Variants in ZMAT4 observed in about 807,000 individuals in gnomAD.
ZMAT4 encodes zinc finger matrin-type protein 4.
In ZMAT4, 17 loss-of-function variants were observed where a neutral mutation model predicts 28.7. The ratio of observed to expected loss-of-function variants is 0.59; its 90% confidence interval spans 0.41 to 0.89. The LOEUF (loss-of-function observed/expected upper bound fraction) is 0.89. ZMAT4 is among the 40% of genes least tolerant of loss of function. The probability of loss-of-function intolerance (pLI) is 0.00; values close to 1 mark genes in which losing one functional copy is unlikely to be tolerated. For missense variants in ZMAT4, 240 were observed against 283.8 expected (o/e 0.85, Z 1.11); for synonymous variants, 117 against 109.2 (o/e 1.07, Z -0.44).
intron 6 of ZMAT4, among the ~76,000 whole-genome samples, chr8:40,580,280 G>A (rs553007738): frequency 1.3e-5 from 2 of 152,120 alleles, no homozygotes; most frequent in South Asian, 2.1e-4. Context: ...CCAAAATGCT[G>A]GGACTACAGG....
At chr8:40,676,416 C>G (rs1410963206) in intron 4 of ZMAT4, among the ~76,000 whole-genome samples, 1 of 152,104 alleles carries the variant, frequency 6.6e-6, no homozygotes, top group Non-Finnish European at 1.5e-5. Flanking sequence ...AGCAGTATAG[C>G]AGCATCCTGT....
chr8:40,861,635 C>T (rs1215374075), intron 1 of ZMAT4, among the ~76,000 whole-genome samples: 1 of 152,124 alleles, frequency 6.6e-6, no homozygotes, highest in African/African-American at 2.4e-5. Flanking sequence ...AACAGGCAGC[C>T]TACAGAATGG....
intron 5 of ZMAT4, among the ~76,000 whole-genome samples, chr8:40,639,771 T>TACACACAC (rs10676366): frequency 0.068 from 9,944 of 146,314 alleles, 339 homozygotes; most frequent in Middle Eastern, 0.095. Context: ...GTCCTTTTGT[T>TACACACAC]ACACACACAC....
intron 6 of ZMAT4, among the ~76,000 whole-genome samples, chr8:40,565,745 G>A (rs1035610474): frequency 6.7e-5 from 10 of 149,968 alleles, no homozygotes; most frequent in Non-Finnish European, 1.0e-4. Flanking sequence ...TCCCAACTCA[G>A]GTTCCAGGCT....
chr8:40,862,120 C>T (rs1459734552), intron 1 of ZMAT4, among the ~76,000 whole-genome samples: 4 of 91,592 alleles, frequency 4.4e-5, no homozygotes, highest in South Asian at 6.9e-4. Flanking sequence ...CACACGCACA[C>T]GTATGTTTAT....
At chr8:40,690,922 C>G in intron 4 of ZMAT4, 2 of 985,166 alleles carry the variant, frequency 2.0e-6, no homozygotes, top group Non-Finnish European at 2.4e-6. Context: ...TTATCCGTTG[C>G]TTTTCTTACA....
At chr8:40,854,965 T>C (rs1232444838) in intron 1 of ZMAT4, among the ~76,000 whole-genome samples, 1 of 152,118 alleles carries the variant, frequency 6.6e-6, no homozygotes, top group Non-Finnish European at 1.5e-5. Context: ...ACAACAAAAA[T>C]TGATTTAATG....
At chr8:40,723,956 AT>A (rs1301383023) in intron 3 of ZMAT4, among the ~76,000 whole-genome samples, 1 of 152,010 alleles carries the variant, frequency 6.6e-6, no homozygotes, top group African/African-American at 2.4e-5. Context: ...TATGTGCAAA[AT>A]TGCTTCCCCA....
At chr8:40,665,755 A>G (rs974775372) in intron 5 of ZMAT4, among the ~76,000 whole-genome samples, 1 of 152,150 alleles carries the variant, frequency 6.6e-6, no homozygotes, top group Admixed American at 6.6e-5. Context: ...ATGATGAATC[A>G]CCAGAAATTG....
intron 3 of ZMAT4, among the ~76,000 whole-genome samples, chr8:40,739,078 T>A (rs942161309): frequency 3.3e-5 from 5 of 152,194 alleles, no homozygotes; most frequent in African/African-American, 9.7e-5. Flanking sequence ...ACCAAGGATT[T>A]AAAAAACAAA....
rs1563354203 is a variant in ZMAT4, at chr8:40,589,976, CCTTCCTTCCTTCCTT to C, written c.578-8730_578-8716del. ...TCTTCCCTCCTTCCCTCCCTCCCTTCCTTCCTTCCTTCCTTCCTTCCTTCCTTCCTTCCTTCCTTC... is the reference window on the plus strand; with the variant it reads ...TCTTCCCTCCTTCCCTCCCTCCCTTCCCTTCCTTCCTTCCTTCCTTCCTTC... On this transcript the variant is annotated intron_variant, in intron 5 of 6. Coordinates refer to ENST00000297737, the MANE Select transcript of ZMAT4 (RefSeq NM_024645.3). Among the ~76,000 whole-genome samples, 22 of 87,070 alleles carry C rather than the reference CCTTCCTTCCTTCCTT, an allele frequency of 2.5e-4. 1 individual carries two copies. Among genetic ancestry groups the C allele is most frequent in the Non-Finnish European group, 9.3e-5 (4 of 42,844 alleles). The allele number at this position is 87,070 out of a possible 152,430, so 57.1% of individuals were successfully genotyped here.
At chr8:40,597,608 A>G (rs77810546) in intron 5 of ZMAT4, among the ~76,000 whole-genome samples, 10,609 of 152,270 alleles carry the variant, frequency 0.07, 454 homozygotes, top group East Asian at 0.16. Context: ...AATATATTAC[A>G]TATTTTACTT....
At chr8:40,591,969 C>A (rs1390471947) in intron 5 of ZMAT4, among the ~76,000 whole-genome samples, 1 of 21,822 alleles carries the variant, frequency 4.6e-5, no homozygotes, top group East Asian at 1.6e-3. Flanking sequence ...TGCACTAGGT[C>A]TTTTATGGAA....
Position 40,801,405 on chromosome 8 carries a change from C to T in ZMAT4, c.102+24170G>A, listed in dbSNP as rs561378335. On this transcript the variant is annotated intron_variant, in intron 2 of 6. Transcript: ENST00000297737. ...ATATTCGGTGGGGTGCGGTGGCTCA[C>T]GCCTGTAATCCCAGCACTCTGGGAG... Among the ~76,000 whole-genome samples, 57 of 146,686 alleles carry T rather than the reference C, an allele frequency of 3.9e-4. 1 individual carries two copies. The highest frequency in any genetic ancestry group is 1.2e-3 in the African/African-American group (45 of 38,272).
In ZMAT4 at chr8:40,852,173, T is replaced by A. The variant is rs192989946; in HGVS notation, c.-4-26493A>T. ...AATGCTGGGATTACAGGCCTAGCTA[T>A]AATTTTGTGTCCTTTAACAAATCTC... On this transcript the variant is annotated intron_variant, in intron 1 of 6. Transcript: ENST00000297737. Among the ~76,000 whole-genome samples, 204 of 152,220 alleles carry A rather than the reference T, an allele frequency of 1.3e-3. 1 individual carries two copies. The highest frequency in any genetic ancestry group is 8.2e-4 in the Non-Finnish European group (56 of 68,004).
chr8:40,749,118 T>C (rs1341514901), intron 3 of ZMAT4, among the ~76,000 whole-genome samples: 1 of 152,172 alleles, frequency 6.6e-6, no homozygotes, highest in Admixed American at 6.5e-5. Flanking sequence ...CCCAGCCATA[T>C]AGAACTGTGA....
chr8:40,856,829 T>C (rs529532952), intron 1 of ZMAT4, among the ~76,000 whole-genome samples: 2 of 151,946 alleles, frequency 1.3e-5, no homozygotes, highest in South Asian at 4.2e-4. Flanking sequence ...CAGTAGGTGG[T>C]TTCCAGCATA....
At chr8:40,872,019 G>T (rs1450815035) in intron 1 of ZMAT4, among the ~76,000 whole-genome samples, 1 of 152,180 alleles carries the variant, frequency 6.6e-6, no homozygotes, top group Non-Finnish European at 1.5e-5. Flanking sequence ...TCTGAAATCA[G>T]GGCCAACTGA....
chr8:40,851,552 G>T (rs1175524835), intron 1 of ZMAT4, among the ~76,000 whole-genome samples: 1 of 152,102 alleles, frequency 6.6e-6, no homozygotes, highest in Non-Finnish European at 1.5e-5. Flanking sequence ...CGAGTGAAGG[G>T]TTTATAAATA....
Sources: allele counts gnomAD v4.1 joint callset (sites outside exome capture counted in the v4.1 genomes callset), GRCh38; gene constraint gnomAD v4.1.1; transcripts MANE v1.5; gene names NCBI Gene and HGNC (gene_info 2026-07-23, HGNC 2026-07-21).